The following SH3BP5 variants were observed in gnomAD, a reference collection of about 807,000 sequenced individuals.
SH3BP5 encodes the protein SH3 domain-binding protein 5.
In SH3BP5, 22 loss-of-function variants were observed where a neutral mutation model predicts 43.3. That is an observed-to-expected ratio of 0.51 (90% CI 0.36 to 0.73). The LOEUF (loss-of-function observed/expected upper bound fraction) is 0.73, where lower values mean the gene tolerates loss of function less well. SH3BP5 is among the 30% of genes least tolerant of loss of function. SH3BP5 has a pLI of 0.00. For synonymous variants in SH3BP5, 255 were observed against 225.8 expected, an observed-to-expected ratio of 1.13 and a Z score of -1.16; for missense variants, 529 against 586.9, an observed-to-expected ratio of 0.90 and a Z score of 1.02.
chr3:15,269,486 A>G (rs927430961), intron 4 of SH3BP5, among the ~76,000 whole-genome samples: 1 of 152,158 alleles, frequency 6.6e-6, no homozygotes, highest in African/African-American at 2.4e-5. Flanking sequence ...CTCAAGCAAC[A>G]TAAGGGAAGG....
intron 1 of SH3BP5, among the ~76,000 whole-genome samples, chr3:15,340,019 T>G (rs1160566254): frequency 1.3e-5 from 2 of 152,202 alleles, no homozygotes; most frequent in Non-Finnish European, 2.9e-5. Context: ...AATACTTCTG[T>G]GTCCCGAGAA....
At chr3:15,291,477 T>G (rs1331851414) in intron 3 of SH3BP5, among the ~76,000 whole-genome samples, 1 of 152,060 alleles carries the variant, frequency 6.6e-6, no homozygotes, top group Admixed American at 6.6e-5. Flanking sequence ...ATGTACCAAA[T>G]ATGGCATAGA....
chr3:15,314,584 C>G (rs1012636355), intron 2 of SH3BP5, among the ~76,000 whole-genome samples: 2 of 152,158 alleles, frequency 1.3e-5, no homozygotes, highest in Admixed American at 6.5e-5. Context: ...AGGTAGAGAG[C>G]AGGGGTATGG....
At chr3:15,338,955 G>A (rs1022801298) in intron 1 of SH3BP5, among the ~76,000 whole-genome samples, 1 of 152,156 alleles carries the variant, frequency 6.6e-6, no homozygotes, top group African/African-American at 2.4e-5. Flanking sequence ...AGGTGTTGCA[G>A]GAAAGCTGGC....
intron 3 of SH3BP5, among the ~76,000 whole-genome samples, chr3:15,288,700 A>T (rs569750625): frequency 6.6e-6 from 1 of 152,302 alleles, no homozygotes; most frequent in Admixed American, 6.5e-5. Flanking sequence ...GGATTGCACC[A>T]CTGCACTCCA....
intron 2 of SH3BP5, among the ~76,000 whole-genome samples, chr3:15,325,826 G>C (rs1698447572): frequency 6.6e-6 from 1 of 152,126 alleles, no homozygotes; most frequent in African/African-American, 2.4e-5. Flanking sequence ...TTTGAAACCG[G>C]CCTGGCCAAC....
chr3:15,294,695 C>T (rs1300170996), intron 3 of SH3BP5, among the ~76,000 whole-genome samples: 3 of 152,070 alleles, frequency 2.0e-5, no homozygotes, highest in African/African-American at 7.2e-5. Flanking sequence ...GCACCTAATA[C>T]ATCATTAGCG....
In SH3BP5 at chr3:15,326,451, G is replaced by A. The variant is rs373793564; in HGVS notation, c.201+4053C>T. Among the ~76,000 whole-genome samples the A allele has an allele frequency of 2.6e-4, 39 of 152,294 alleles. 1 individual carries two copies. Among genetic ancestry groups the A allele is most frequent in the African/African-American group, 8.7e-4 (36 of 41,558 alleles). On this transcript the variant is annotated intron_variant, in intron 2 of 8. Coordinates refer to ENST00000383791, the MANE Select transcript of SH3BP5 (RefSeq NM_004844.5). The stretch of plus-strand genomic sequence containing the variant: ...TTCAGGTTCATCAGACAAAAATCAC[G>A]AGAGGTGCCGAACGCCCCAGATCGC...
At chr3:15,275,627 G>C (rs983844421) in intron 3 of SH3BP5, 1 of 152,192 alleles carries the variant, frequency 6.6e-6, no homozygotes, top group Non-Finnish European at 1.5e-5. Flanking sequence ...GCAGAGCTTG[G>C]TTTGAGGTAT....
intron 6 of SH3BP5, chr3:15,259,440 CAG>C (rs1301185016): frequency 3.8e-5 from 20 of 527,798 alleles, no homozygotes; most frequent in Non-Finnish European, 6.8e-5. Flanking sequence ...ACTCCAACCT[CAG>C]AGTTTCTAAT....
chr3:15,309,910 C>G (rs999800307), intron 2 of SH3BP5, among the ~76,000 whole-genome samples: 15 of 150,610 alleles, frequency 1.0e-4, no homozygotes, highest in East Asian at 1.9e-4. Flanking sequence ...CGCTCCACCC[C>G]CCCCCCATAA....
intron 3 of SH3BP5, among the ~76,000 whole-genome samples, chr3:15,296,863 A>T (rs1209266477): frequency 2.3e-5 from 3 of 129,996 alleles, no homozygotes; most frequent in Admixed American, 7.6e-5. Context: ...CTGGCTTCTT[A>T]AAAAAAAAAA....
intron 2 of SH3BP5, among the ~76,000 whole-genome samples, chr3:15,327,635 G>C (rs67115610): frequency 0.18 from 27,207 of 152,124 alleles, 2,565 homozygotes; most frequent in Middle Eastern, 0.29. Context: ...CCCCCGCTCT[G>C]CTACTCACCC....
At chr3:15,332,122 G>A (rs1424953103) in intron 1 of SH3BP5, 149 bp downstream of exon 1, 1 of 1,241,434 alleles carries the variant, frequency 8.1e-7, no homozygotes, top group East Asian at 2.6e-5. Flanking sequence ...CGATGAAACG[G>A]AGCATACAGA....
At chr3:15,294,318 T>C (rs1481371439) in intron 3 of SH3BP5, among the ~76,000 whole-genome samples, 1 of 143,308 alleles carries the variant, frequency 7.0e-6, no homozygotes, top group African/African-American at 2.7e-5. Flanking sequence ...TGTGTGTGTG[T>C]GTGTGTGTGT....
intron 6 of SH3BP5, chr3:15,259,559 G>C: frequency 1.5e-6 from 1 of 666,706 alleles, no homozygotes. Flanking sequence ...CAACAGAGAA[G>C]GTGACTGAAT....
rs1194358903 is a variant in SH3BP5, at chr3:15,256,070, C to T, written c.*16G>A. The T allele has an allele frequency of 1.0e-5, 16 of 1,596,302 alleles. No individual in the cohort carries two copies. The highest frequency in any genetic ancestry group is 1.4e-5 in the Non-Finnish European group (16 of 1,165,302). On this transcript the variant is annotated 3_prime_UTR_variant, in exon 9 of 9. Transcript: ENST00000383791. ...TATAAATGTTGATATGCACATCGGC[C>T]AGGGCCCAGGATGAATCAGCCAATC... is the stretch of plus-strand genomic sequence containing the variant.
intron 3 of SH3BP5, among the ~76,000 whole-genome samples, chr3:15,292,232 G>A (rs1697432799): frequency 6.6e-6 from 1 of 152,306 alleles, no homozygotes; most frequent in South Asian, 2.1e-4. Flanking sequence ...GAGCATCATG[G>A]TTTCAGGGAA....
Position 15,331,134 on chromosome 3 carries a change from T to TA in SH3BP5, c.139-569dup, listed in dbSNP as rs34118730. On this transcript the variant is annotated intron_variant, in intron 1 of 8. Transcript: ENST00000383791. ...TAAACATTTACAAACTGACATTTTG[T>TA]AAAAAAAGTATCCAACATGAACTTA... Among the ~76,000 whole-genome samples the TA allele has an allele frequency of 1.1e-3, 170 of 152,280 alleles. 3 individuals carry two copies. In the South Asian group the frequency reaches 0.022, roughly 19 times the overall value.
Sources: allele counts gnomAD v4.1 joint callset (sites outside exome capture counted in the v4.1 genomes callset), GRCh38; gene constraint gnomAD v4.1.1; transcripts MANE v1.5; gene names NCBI Gene and HGNC (gene_info 2026-07-23, HGNC 2026-07-21).